CELF4: variants seen among roughly 807,000 people sequenced by gnomAD.
CELF4 encodes CUGBP Elav-like family member 4, also known as CUG-BP- and ETR-3-like factor 4.
CELF4 carries 18 observed loss-of-function variants against 59.9 expected under a neutral mutation model. That is an observed-to-expected ratio of 0.30 (90% CI 0.21 to 0.45). CELF4 has a LOEUF of 0.45. Among genes scored for constraint, CELF4 ranks in the 20% least tolerant of loss-of-function variants. The pLI is 1.00. For missense variants in CELF4, 456 were observed against 689.0 expected, an observed-to-expected ratio of 0.66 and a Z score of 3.79; for synonymous variants, 261 against 267.1, an observed-to-expected ratio of 0.98 and a Z score of 0.22.
At chr18:37,348,529 G>C (rs1308160619) in intron 2 of CELF4, among the ~76,000 whole-genome samples, 1 of 152,114 alleles carries the variant, frequency 6.6e-6, no homozygotes, top group African/African-American at 2.4e-5. Context: ...GCTCAAGTGG[G>C]ATCTTCCATT....
At chr18:37,379,264 T>A (rs970916388) in intron 2 of CELF4, among the ~76,000 whole-genome samples, 3 of 152,108 alleles carry the variant, frequency 2.0e-5, no homozygotes, top group Non-Finnish European at 4.4e-5. Flanking sequence ...CTTCACTCTG[T>A]TTTTCCCCTT....
intron 2 of CELF4, among the ~76,000 whole-genome samples, chr18:37,369,157 C>G (rs1199942819): frequency 3.3e-5 from 5 of 152,206 alleles, no homozygotes; most frequent in Non-Finnish European, 5.9e-5. Context: ...ACTCTTTTTC[C>G]TTTCCGTATC....
At chr18:37,274,235 C>CG in intron 6 of CELF4, 76 bp downstream of exon 6, 2 of 1,583,324 alleles carry the variant, frequency 1.3e-6, no homozygotes. Context: ...GTAGTATTTT[C>CG]GGTTTCATGT....
At chr18:37,438,229 G>T (rs2099699720) in intron 2 of CELF4, among the ~76,000 whole-genome samples, 1 of 152,194 alleles carries the variant, frequency 6.6e-6, no homozygotes, top group East Asian at 1.9e-4. Flanking sequence ...ACTGAAGCCT[G>T]AAAGGTCAAG....
intron 2 of CELF4, among the ~76,000 whole-genome samples, chr18:37,422,876 G>A (rs2099586937): frequency 6.6e-6 from 1 of 152,186 alleles, no homozygotes; most frequent in South Asian, 2.1e-4. Flanking sequence ...AATGACCCAT[G>A]AATGCTTCTC....
rs2060794892 is a variant in CELF4, at chr18:37,243,109, AAGG to A, written c.*2130_*2132del. ...TCATCCAATAGTTACAGAAGGTTAC[AAGG>A]AGTTTTAGGGAGTTGAGTGTGAAAA... is the stretch of plus-strand genomic sequence containing the variant. On this transcript the variant is annotated 3_prime_UTR_variant, in exon 13 of 13. Transcript: ENST00000420428. 1 of 152,076 alleles carries A rather than the reference AAGG, an allele frequency of 6.6e-6. No individual in the cohort carries two copies. Among genetic ancestry groups the A allele is most frequent in the Admixed American group, 6.5e-5 (1 of 15,270 alleles). The allele number at this position is 152,076 out of a possible 1,614,324, so 9.4% of individuals were successfully genotyped here. A position where few individuals can be genotyped will look rare whatever the true frequency, so the allele number is the denominator to read the frequency against.
intron 2 of CELF4, among the ~76,000 whole-genome samples, chr18:37,432,733 C>A (rs559985626): frequency 2.0e-5 from 3 of 152,294 alleles, no homozygotes; most frequent in South Asian, 4.1e-4. Context: ...AAGGCAGGGA[C>A]CTGGAGAGGC....
At chr18:37,406,362 G>A (rs1371162176) in intron 2 of CELF4, among the ~76,000 whole-genome samples, 5 of 152,192 alleles carry the variant, frequency 3.3e-5, no homozygotes, top group East Asian at 1.9e-4. Flanking sequence ...TAAGCCCACA[G>A]GATAGCTCAC....
At chr18:37,288,870 G>A (rs547757354) in intron 3 of CELF4, among the ~76,000 whole-genome samples, 389 of 152,234 alleles carry the variant, frequency 2.6e-3, no homozygotes, top group Non-Finnish European at 4.5e-3. Context: ...TGTTGTTAGA[G>A]AATAGAGAAC....
intron 12 of CELF4, among the ~76,000 whole-genome samples, chr18:37,251,693 A>T (rs954596724): frequency 2.0e-5 from 3 of 152,104 alleles, no homozygotes; most frequent in African/African-American, 7.2e-5. Flanking sequence ...TATACAGAAA[A>T]AGCTGCTTTC....
At chr18:37,556,954 G>A (rs2099984994) in intron 1 of CELF4, among the ~76,000 whole-genome samples, 1 of 152,164 alleles carries the variant, frequency 6.6e-6, no homozygotes, top group African/African-American at 2.4e-5. Context: ...CACATCTTAA[G>A]AAGTGGCTTC....
intron 1 of CELF4, among the ~76,000 whole-genome samples, chr18:37,524,748 C>A (rs1012003183): frequency 1.3e-5 from 2 of 152,202 alleles, no homozygotes; most frequent in East Asian, 3.9e-4. Flanking sequence ...GCCCCTGCTC[C>A]CCAGCCGAAC....
At chr18:37,503,257 G>A (rs1167244475) in intron 1 of CELF4, among the ~76,000 whole-genome samples, 2 of 152,244 alleles carry the variant, frequency 1.3e-5, no homozygotes, top group East Asian at 1.9e-4. Flanking sequence ...GTCAGCCCAG[G>A]GCTCTGCGCT....
chr18:37,400,930 T>C (rs1000668463), intron 2 of CELF4, among the ~76,000 whole-genome samples: 2 of 152,234 alleles, frequency 1.3e-5, no homozygotes, highest in African/African-American at 2.4e-5. Flanking sequence ...GGCGGCTGAT[T>C]TGTGTGTCAC....
intron 3 of CELF4, among the ~76,000 whole-genome samples, chr18:37,283,234 C>T (rs1280769705): frequency 6.6e-6 from 1 of 151,792 alleles, no homozygotes; most frequent in Non-Finnish European, 1.5e-5. Context: ...AGGTTGGAGC[C>T]ACCCAGGCAT....
intron 2 of CELF4, among the ~76,000 whole-genome samples, chr18:37,410,219 G>A (rs2099429277): frequency 6.6e-6 from 1 of 152,172 alleles, no homozygotes; most frequent in South Asian, 2.1e-4. Context: ...ACAATCCCTG[G>A]CTCCTGTTCC....
At chr18:37,458,644 G>T (rs2099785293) in intron 2 of CELF4, among the ~76,000 whole-genome samples, 1 of 152,180 alleles carries the variant, frequency 6.6e-6, no homozygotes, top group Non-Finnish European at 1.5e-5. Flanking sequence ...GCTGTTTCTT[G>T]AAGGGCTCGT....
chr18:37,387,241 G>T (rs532350503), intron 2 of CELF4, among the ~76,000 whole-genome samples: 4 of 152,226 alleles, frequency 2.6e-5, no homozygotes, highest in East Asian at 1.9e-4. Flanking sequence ...CATCCCGAGT[G>T]GGGGGCTGGG....
intron 2 of CELF4, among the ~76,000 whole-genome samples, chr18:37,408,495 G>GC (rs199898211): frequency 2.5e-5 from 3 of 122,222 alleles, no homozygotes; most frequent in African/African-American, 6.0e-5. Context: ...TTGGTGCCGG[G>GC]GGGGGGCGCG....
Sources: allele counts gnomAD v4.1 joint callset (sites outside exome capture counted in the v4.1 genomes callset), GRCh38; gene constraint gnomAD v4.1.1; transcripts MANE v1.5; gene names NCBI Gene and HGNC (gene_info 2026-07-23, HGNC 2026-07-21).